DIAPH3: variants seen among roughly 807,000 people sequenced by gnomAD.
DIAPH3 encodes the protein diaphanous related formin 3, also known as protein diaphanous homolog 3.
In DIAPH3, 117 loss-of-function variants were observed where a neutral mutation model predicts 144.3. The ratio of observed to expected loss-of-function variants is 0.81; its 90% CI spans 0.70 to 0.95. The LOEUF is 0.95. Among genes scored for constraint, DIAPH3 ranks in the 40% least tolerant of loss-of-function variants. The pLI, the probability that DIAPH3 is intolerant of heterozygous loss-of-function variation, is 0.00. For synonymous variants in DIAPH3, 519 were observed against 488.9 expected (o/e 1.06, Z -0.81); for missense variants, 1,421 against 1,412.7 (o/e 1.01, Z -0.09).
At chr13:59,920,754 A>G (rs1049153494) in intron 18 of DIAPH3, among the ~76,000 whole-genome samples, 2 of 151,882 alleles carry the variant, frequency 1.3e-5, no homozygotes, top group African/African-American at 2.4e-5. Context: ...ACAGATATTT[A>G]CAGAACATTT....
intron 4 of DIAPH3, among the ~76,000 whole-genome samples, chr13:60,087,812 T>C (rs2057798991): frequency 6.7e-6 from 1 of 148,162 alleles, no homozygotes; most frequent in Non-Finnish European, 1.5e-5. Flanking sequence ...AAATAGAAAA[T>C]AAAGAATGGA....
At chr13:59,728,848 A>G (rs917782511) in intron 27 of DIAPH3, among the ~76,000 whole-genome samples, 2 of 152,190 alleles carry the variant, frequency 1.3e-5, no homozygotes, top group African/African-American at 4.8e-5. Flanking sequence ...ATACATGGGG[A>G]ACTCTAAGTA....
At chr13:60,138,910 A>C (rs2059364524) in intron 1 of DIAPH3, among the ~76,000 whole-genome samples, 1 of 151,990 alleles carries the variant, frequency 6.6e-6, no homozygotes, top group Non-Finnish European at 1.5e-5. Flanking sequence ...TATGGCTGAT[A>C]ATAGGTTGAG....
At chr13:59,705,756 T>C (rs1312480797) in intron 27 of DIAPH3, among the ~76,000 whole-genome samples, 2 of 152,170 alleles carry the variant, frequency 1.3e-5, no homozygotes, top group East Asian at 1.9e-4. Flanking sequence ...GATCAACAAC[T>C]AGTATATTGG....
chr13:59,884,542 T>C (rs1045881897), intron 20 of DIAPH3, among the ~76,000 whole-genome samples: 3 of 152,042 alleles, frequency 2.0e-5, no homozygotes, highest in African/African-American at 7.2e-5. Context: ...ATGGGAGAGG[T>C]ATGATAAGCA....
intron 17 of DIAPH3, among the ~76,000 whole-genome samples, chr13:59,944,207 C>A (rs559306285): frequency 6.7e-6 from 1 of 149,334 alleles, no homozygotes; most frequent in Admixed American, 6.7e-5. Flanking sequence ...GAGCATGACA[C>A]TGTCTCAAAA....
At position 59,939,113 on chromosome 13, in the gene DIAPH3, A is replaced by G. The variant is rs917698394; in HGVS notation, c.2075-14243T>C. ...TTGTCAAATGAAGAACAAAAATCTA[A>G]GTGGCTGTAAAATTAATCAGACCAA... On this transcript the variant is annotated intron_variant, in intron 17 of 27. Coordinates refer to ENST00000400324, the MANE Select transcript of DIAPH3 (RefSeq NM_001042517.2). 5.3e-5 allele frequency among the ~76,000 whole-genome samples: 8 copies of G among 152,314 alleles called. No homozygotes were observed. In the South Asian group the frequency reaches 1.4e-3, roughly 28 times the overall value.
intron 25 of DIAPH3, among the ~76,000 whole-genome samples, chr13:59,789,945 G>A (rs1442831051): frequency 6.6e-6 from 1 of 152,122 alleles, no homozygotes; most frequent in Non-Finnish European, 1.5e-5. Context: ...GACAAGTTAG[G>A]TTTTAGATGA....
chr13:60,087,227 C>T (rs1594628560), intron 4 of DIAPH3, among the ~76,000 whole-genome samples: 1 of 152,084 alleles, frequency 6.6e-6, no homozygotes, highest in Non-Finnish European at 1.5e-5. Context: ...TACAGAGGTT[C>T]GACTGTATAC....
chr13:60,079,775 G>C (rs1365343813), intron 4 of DIAPH3, among the ~76,000 whole-genome samples: 1 of 151,884 alleles, frequency 6.6e-6, no homozygotes, highest in East Asian at 1.9e-4. Context: ...AATATTATAT[G>C]TGTTATTTTT....
intron 4 of DIAPH3, among the ~76,000 whole-genome samples, chr13:60,084,708 A>G (rs569097750): frequency 6.6e-6 from 1 of 152,246 alleles, no homozygotes; most frequent in South Asian, 2.1e-4. Context: ...ACATCTCAAC[A>G]AATCCTAAGG....
intron 24 of DIAPH3, among the ~76,000 whole-genome samples, chr13:59,818,741 C>T (rs759587324): frequency 6.6e-6 from 1 of 151,720 alleles, no homozygotes; most frequent in Non-Finnish European, 1.5e-5. Context: ...ATACTGTCCC[C>T]CTGGTTTGCA....
intron 1 of DIAPH3, among the ~76,000 whole-genome samples, chr13:60,139,040 C>T (rs1486159175): frequency 1.3e-5 from 2 of 152,268 alleles, no homozygotes; most frequent in African/African-American, 4.8e-5. Context: ...TTAACGTCAA[C>T]ACCAATTATA....
chr13:60,141,755 A>T lies in DIAPH3; in HGVS notation c.181-8766T>A, dbSNP rs947224485. Among the ~76,000 whole-genome samples the T allele has an allele frequency of 3.3e-5, 5 of 152,248 alleles. No individual in the cohort carries two copies. The East Asian group carries it at 7.7e-4, about 23-fold the overall frequency. Reference sequence around the variant, plus strand: ...ACTTATCTTTATTGGGGAAACAGACAATAAGCACAATAAGTAAATTACTTA... The same window carrying T: ...ACTTATCTTTATTGGGGAAACAGACTATAAGCACAATAAGTAAATTACTTA... On this transcript the variant is annotated intron_variant, in intron 1 of 27. Coordinates refer to ENST00000400324, the MANE Select transcript of DIAPH3 (RefSeq NM_001042517.2).
chr13:60,018,783 T>C (rs9634891), intron 5 of DIAPH3, among the ~76,000 whole-genome samples: 9,595 of 151,974 alleles, frequency 0.063, 459 homozygotes, highest in East Asian at 0.28. Context: ...TTATATCTCA[T>C]AAAACATGTC....
chr13:59,776,358 T>G (rs2038411699), intron 25 of DIAPH3, among the ~76,000 whole-genome samples: 1 of 152,140 alleles, frequency 6.6e-6, no homozygotes, highest in African/African-American at 2.4e-5. Flanking sequence ...AATGTAATTC[T>G]AAGTGATTTG....
chr13:60,082,428 C>T (rs2057591964), intron 4 of DIAPH3, among the ~76,000 whole-genome samples: 2 of 150,904 alleles, frequency 1.3e-5, no homozygotes, highest in Middle Eastern at 3.4e-3. Flanking sequence ...AGAAAAAGAG[C>T]ATACTGCATA....
At chr13:60,025,400 T>A (rs2054306505) in intron 5 of DIAPH3, among the ~76,000 whole-genome samples, 2 of 110,930 alleles carry the variant, frequency 1.8e-5, no homozygotes, top group African/African-American at 3.8e-5. Context: ...CTAGTTGTGC[T>A]TAGCAAAAAA....
At chr13:59,912,189 G>C (rs1241402047) in intron 19 of DIAPH3, among the ~76,000 whole-genome samples, 1 of 152,138 alleles carries the variant, frequency 6.6e-6, no homozygotes, top group Admixed American at 6.5e-5. Context: ...TTAAATGTCA[G>C]AAATTTCAGG....
Sources: gnomAD v4.1 joint callset for allele counts (sites outside exome capture counted in the v4.1 genomes callset) on GRCh38, gnomAD v4.1.1 for gene constraint, MANE v1.5 for transcripts, NCBI Gene and HGNC (gene_info 2026-07-23, HGNC 2026-07-21) for gene names.